The following OLFML2A variants were observed in gnomAD, a reference collection of about 807,000 sequenced individuals.
OLFML2A encodes the protein olfactomedin-like protein 2A.
A neutral mutation model predicts 60.9 loss-of-function variants in OLFML2A; 47 were observed. That is an observed-to-expected ratio of 0.77 (90% CI 0.61 to 0.98). The LOEUF (loss-of-function observed/expected upper bound fraction) is 0.98. Ranked by LOEUF, OLFML2A falls within the 50% of genes least tolerant of loss-of-function variation. The probability of loss-of-function intolerance (pLI) is 0.00; values close to 1 mark genes in which losing one functional copy is unlikely to be tolerated. For synonymous variants in OLFML2A, 372 were observed against 375.0 expected (o/e 0.99, Z 0.09); for missense variants, 922 against 879.8 (o/e 1.05, Z -0.61).
chr9:124,804,548 AC>A (rs2131274748), intron 6 of OLFML2A, among the ~76,000 whole-genome samples: 2 of 149,406 alleles, frequency 1.3e-5, no homozygotes, highest in East Asian at 4.0e-4. Flanking sequence ...ACATGGAAAA[AC>A]CCCCTCTCTA....
In OLFML2A at chr9:124,807,945, A is replaced by G. The variant is rs765941256; in HGVS notation, c.1333A>G (p.Asn445Asp). 6.2e-7 allele frequency: 1 copy of G among 1,614,078 alleles called. No homozygotes were observed. The highest frequency in any genetic ancestry group is 1.7e-5 in the Admixed American group (1 of 60,016). Reference sequence around the variant, plus strand: ...TGGAAACAGCCTGGTGGAGTTCCGCAACCTGGAAAACTTCAAGCAAGGTCA... The same window carrying G: ...TGGAAACAGCCTGGTGGAGTTCCGCGACCTGGAAAACTTCAAGCAAGGTCA... Reference protein sequence around the residue: ...YYGNSLVEFRNLENFKQGRWS... With the variant: ...YYGNSLVEFRDLENFKQGRWS... Residue 445 changes from asparagine (N) to aspartate (D), a missense_variant, in exon 7 of 8, where the codon AAC (asparagine) becomes GAC (aspartate). Asn to Asp is a conservative substitution (Grantham distance 23). Transcript: ENST00000373580.
At chr9:124,778,354 C>T (rs1461519276) in intron 1 of OLFML2A, among the ~76,000 whole-genome samples, 2 of 149,012 alleles carry the variant, frequency 1.3e-5, no homozygotes, top group East Asian at 4.0e-4. Flanking sequence ...GAGCGAGACT[C>T]CGTGTCAAAA....
chr9:124,801,459 G>A lies in OLFML2A; in HGVS notation c.715G>A (p.Val239Met), dbSNP rs1231397191. The change falls in exon 5 of 8, where the codon GTG becomes ATG. Residue 239 changes from valine (V) to methionine (M), a missense_variant. By Grantham distance (21) the Val-to-Met change is conservative (BLOSUM62 1). Transcript: ENST00000373580. ...KGKDISKYGS[V>M]QKSFADRGLP... ...CAAGGACATCAGCAAGTATGGCAGT[G>A]TGCAGAAAAGCTTTGCAGACAGAGG... 5 of 1,613,964 alleles carry A rather than the reference G, an allele frequency of 3.1e-6. No homozygotes were observed. The highest frequency in any genetic ancestry group is 1.3e-5 in the African/African-American group (1 of 74,886).
At position 124,777,365 on chromosome 9, in the gene OLFML2A, G is replaced by C. The variant is rs999478525; in HGVS notation, c.90+5G>C. ...CCCACGCGCGCCGACAGTAAGGTAC[G>C]CACGCCCCTCGGACCCGCGCGGCTC... On this transcript the variant is annotated splice_donor_5th_base_variant and intron_variant, in intron 1 of 7. Coordinates refer to ENST00000373580, the MANE Select transcript of OLFML2A (RefSeq NM_182487.4). The surrounding 1 kb of genome is among the most constrained non-coding windows in gnomAD (Gnocchi z 6.2). The C allele has an allele frequency of 8.6e-6, 11 of 1,271,820 alleles. No homozygotes were observed. The highest frequency in any genetic ancestry group is 1.5e-5 in the African/African-American group (1 of 64,626). 78.8% of individuals were successfully genotyped at this position (1,271,820 alleles called of 1,614,324 possible).
At chr9:124,790,878 C>T (rs1170535042) in intron 2 of OLFML2A, among the ~76,000 whole-genome samples, 1 of 152,202 alleles carries the variant, frequency 6.6e-6, no homozygotes, top group Non-Finnish European at 1.5e-5. Context: ...GTCTGTATCC[C>T]ACCCATCTCT....
In OLFML2A at chr9:124,810,044, T is replaced by G; in HGVS notation, c.1591T>G (p.Trp531Gly). The G allele has an allele frequency of 6.2e-7, 1 of 1,613,908 alleles. No homozygotes were observed. The change falls in exon 8 of 8, where the codon TGG becomes GGG. Residue 531 changes from tryptophan (W) to glycine (G), a missense_variant. Trp to Gly is a radical substitution (Grantham distance 184). Transcript: ENST00000373580. ...CTTTGCCGTGGACGAGAGCGGCCTG[T>G]GGGTCATCTACCCCGCCGTGGACGA... The part of the protein sequence containing the change: ...IDFAVDESGL[W>G]VIYPAVDDRD...
At position 124,810,336 on chromosome 9, in the gene OLFML2A, A is replaced by C; in HGVS notation, c.1883A>C (p.Tyr628Ser). ...CACGCCTACACCACCCAGATCGACT[A>C]CAACCCCAAGGAGCGGGTGCTGTAC... is the stretch of plus-strand genomic sequence containing the variant. ...NEHAYTTQIDYNPKERVLYAW... is the reference protein window; with the variant it reads ...NEHAYTTQIDSNPKERVLYAW... Residue 628 changes from tyrosine (Y) to serine (S), a missense_variant, in exon 8 of 8, where the codon TAC becomes TCC. Coordinates refer to ENST00000373580, the MANE Select transcript of OLFML2A (RefSeq NM_182487.4). The C allele has an allele frequency of 6.2e-7, 1 of 1,605,630 alleles. No homozygotes were observed. Among genetic ancestry groups the C allele is most frequent in the East Asian group, 2.2e-5 (1 of 44,876 alleles).
At chr9:124,788,427 G>A (rs528035500) in intron 2 of OLFML2A, among the ~76,000 whole-genome samples, 2 of 152,102 alleles carry the variant, frequency 1.3e-5, no homozygotes, top group East Asian at 3.9e-4. Context: ...CCAACGTGGT[G>A]AAACCCTGTC....
intron 6 of OLFML2A, among the ~76,000 whole-genome samples, chr9:124,807,483 A>G (rs1485747494): frequency 6.6e-6 from 1 of 151,972 alleles, no homozygotes; most frequent in South Asian, 2.1e-4. Context: ...GGGTTTCACC[A>G]TGTTGCCCGG....
At chr9:124,792,124 G>T (rs756726778) in intron 2 of OLFML2A, among the ~76,000 whole-genome samples, 9 of 152,288 alleles carry the variant, frequency 5.9e-5, no homozygotes, top group African/African-American at 1.7e-4. Flanking sequence ...CCACACCTGC[G>T]CCCGGAAAAG....
At chr9:124,796,102 C>A (rs1289473891) in intron 3 of OLFML2A, among the ~76,000 whole-genome samples, 1 of 152,220 alleles carries the variant, frequency 6.6e-6, no homozygotes, top group Non-Finnish European at 1.5e-5. Flanking sequence ...GGCGTGGGGG[C>A]TTCCTTTCCC....
intron 1 of OLFML2A, among the ~76,000 whole-genome samples, chr9:124,784,059 T>C (rs554623668): frequency 2.0e-5 from 3 of 151,982 alleles, no homozygotes; most frequent in Admixed American, 1.3e-4. Context: ...GAGGCTGCAG[T>C]GGAGAGAGCC....
At chr9:124,799,157 C>A (rs560561298) in intron 3 of OLFML2A, 128 bp from the exon 4 acceptor site, 5 of 639,544 alleles carry the variant, frequency 7.8e-6, no homozygotes, top group South Asian at 6.2e-5. Context: ...ATGCTCACTG[C>A]GGCCGCCCCT....
At chr9:124,801,355 G>T in intron 4 of OLFML2A, 59 bp from the exon 5 acceptor site, 2 of 1,578,988 alleles carry the variant, frequency 1.3e-6, no homozygotes, top group East Asian at 2.2e-5. Flanking sequence ...GAGCCCCCAG[G>T]ACTCCCCACA....
rs967885548 is a variant in OLFML2A at position 124,777,548 on chromosome 9, G to A, written c.90+188G>A. ...GGCCCCGAGAGAGGGGCGCGTGGAG[G>A]AACAAGCGCTGGAGATGTAGGGATG... On this transcript the variant is annotated intron_variant, in intron 1 of 7. Transcript: ENST00000373580. This position sits in a 1 kb window ranked among gnomAD's most constrained non-coding sequence, Gnocchi z 6.2. 1.3e-5 allele frequency among the ~76,000 whole-genome samples: 2 copies of A among 152,240 alleles called. No individual in the cohort carries two copies. Among genetic ancestry groups the A allele is most frequent in the African/African-American group, 4.8e-5 (2 of 41,568 alleles).
chr9:124,786,941 A>T, intron 1 of OLFML2A, 34 bp from the exon 2 acceptor site: 1 of 1,587,608 alleles, frequency 6.3e-7, no homozygotes, highest in Non-Finnish European at 8.6e-7. Context: ...GCCTAGCAGC[A>T]ACTCACTGGA....
At chr9:124,806,911 T>TTTAA (rs1450607958) in intron 6 of OLFML2A, among the ~76,000 whole-genome samples, 11 of 151,686 alleles carry the variant, frequency 7.3e-5, no homozygotes, top group African/African-American at 2.7e-4. Flanking sequence ...CCCAGCCAAT[T>TTTAA]TTTATTTATT....
In OLFML2A at chr9:124,814,791, T is replaced by C. The variant is rs1195716579; in HGVS notation, c.*4379T>C. 6.6e-6 allele frequency: 1 copy of C among 152,246 alleles called. No individual in the cohort carries two copies. The highest frequency in any genetic ancestry group is 1.9e-4 in the East Asian group (1 of 5,206). The allele number at this position is 152,246 out of a possible 1,614,324, so 9.4% of individuals were successfully genotyped here. Reference sequence around the variant, plus strand: ...CCTAATCTTTTTATTTTTATGCTATTGTACTTTATTTTTGTAAGTTGCTGA... The same window carrying C: ...CCTAATCTTTTTATTTTTATGCTATCGTACTTTATTTTTGTAAGTTGCTGA... On this transcript the variant is annotated 3_prime_UTR_variant, in exon 8 of 8. Transcript: ENST00000373580.
rs1020358517 is a variant in OLFML2A at position 124,809,835 on chromosome 9, C to G, written c.1382C>G (p.Pro461Arg). The part of the protein sequence containing the change: ...QGRWSNMYKL[P>R]YNWIGTGHVV... Reference sequence around the variant, plus strand: ...CGCTGGAGTAACATGTACAAGCTACCCTACAACTGGATCGGCACAGGCCAC... The same window carrying G: ...CGCTGGAGTAACATGTACAAGCTACGCTACAACTGGATCGGCACAGGCCAC... Residue 461 changes from proline to arginine, a missense_variant, in exon 8 of 8, where the codon CCC becomes CGC. Transcript: ENST00000373580. 1.9e-6 allele frequency: 3 copies of G among 1,612,140 alleles called. No individual in the cohort carries two copies. Among genetic ancestry groups the G allele is most frequent in the Non-Finnish European group, 2.5e-6 (3 of 1,178,898 alleles).
Sources: gnomAD v4.1 joint callset for allele counts (sites outside exome capture counted in the v4.1 genomes callset) on GRCh38, gnomAD v4.1.1 for gene constraint, Gnocchi (gnomAD v3.1) non-coding constraint, MANE v1.5 for transcripts, NCBI Gene and HGNC (gene_info 2026-07-23, HGNC 2026-07-21) for gene names.